The following NUP210 variants were observed in gnomAD, a reference collection of about 807,000 sequenced individuals.
The protein encoded by NUP210 is nuclear pore membrane glycoprotein 210.
NUP210 carries 151 observed loss-of-function variants against 196.0 expected under a neutral mutation model. The observed-to-expected ratio is 0.77, with a 90% CI of 0.67 to 0.88. The LOEUF is 0.88. Among genes scored for constraint, NUP210 ranks in the 40% least tolerant of loss-of-function variants. The probability of loss-of-function intolerance (pLI) is 0.00; values close to 1 mark genes in which losing one functional copy is unlikely to be tolerated. For synonymous variants in NUP210, 1,070 were observed against 1,052.7 expected (o/e 1.02, Z -0.32); for missense variants, 2,314 against 2,493.7 (o/e 0.93, Z 1.53).
Position 13,319,814 on chromosome 3 carries a change from C to T in NUP210, c.5332G>A (p.Ala1778Thr), listed in dbSNP as rs750230647. 1 of 1,614,224 alleles carries T rather than the reference C, an allele frequency of 6.2e-7. No homozygotes were observed. Among genetic ancestry groups the T allele is most frequent in the Non-Finnish European group, 8.5e-7 (1 of 1,180,042 alleles). The change falls in exon 37 of 40, where the codon GCC becomes ACC. Residue 1778 changes from alanine to threonine, a missense_variant. By Grantham distance (58) the Ala-to-Thr change is moderately conservative. Transcript: ENST00000254508. Reference sequence around the variant, plus strand: ...ACAAAAGCCACTGTCACTGGGATGGCAATGGCTTGGTTGGTCACGGGGCTG... The same window carrying T: ...ACAAAAGCCACTGTCACTGGGATGGTAATGGCTTGGTTGGTCACGGGGCTG... ...FSSPVTNQAIAIPVTVAFVVD... is the reference protein window; with the variant it reads ...FSSPVTNQAITIPVTVAFVVD...
intron 1 of NUP210, among the ~76,000 whole-genome samples, chr3:13,403,732 C>A (rs1219883858): frequency 6.6e-6 from 1 of 152,128 alleles, no homozygotes; most frequent in Non-Finnish European, 1.5e-5. Context: ...GAAAGTCCCT[C>A]CTCTCAGCAC....
rs1339742593 is a variant in NUP210 at position 13,335,533 on chromosome 3, A to G, written c.3764T>C (p.Val1255Ala). Reference sequence around the variant, plus strand: ...TGTGGGGTCCACAGCCTTGACCACCACCCTCAGCCCGGTCCGGCCTTTTAC... The same window carrying G: ...TGTGGGGTCCACAGCCTTGACCACCGCCCTCAGCCCGGTCCGGCCTTTTAC... Reference protein sequence around the residue: ...GRVKGRTGLRVVVKAVDPTSG... With the variant: ...GRVKGRTGLRAVVKAVDPTSG... Residue 1255 changes from valine to alanine, a missense_variant, in exon 28 of 40, where the codon GTG (valine) becomes GCG (alanine). Val to Ala is a moderately conservative substitution (Grantham distance 64). Coordinates refer to ENST00000254508, the MANE Select transcript of NUP210 (RefSeq NM_024923.4). 1 of 1,613,618 alleles carries G rather than the reference A, an allele frequency of 6.2e-7. No individual in the cohort carries two copies. The highest frequency in any genetic ancestry group is 1.3e-5 in the African/African-American group (1 of 74,864).
At chr3:13,332,475 G>A in intron 28 of NUP210, 91 bp from the exon 29 acceptor site, 1 of 979,580 alleles carries the variant, frequency 1.0e-6, no homozygotes, top group Non-Finnish European at 1.6e-6. Context: ...AAGAGCCGAG[G>A]AGGGGCCAGA....
chr3:13,419,033 C>T (rs1450610900), intron 1 of NUP210, among the ~76,000 whole-genome samples: 1 of 151,122 alleles, frequency 6.6e-6, no homozygotes, highest in Admixed American at 6.6e-5. Flanking sequence ...GTCTGAGCTT[C>T]GGGCATCACA....
intron 36 of NUP210, among the ~76,000 whole-genome samples, chr3:13,320,242 G>T (rs1018443670): frequency 6.6e-6 from 1 of 152,208 alleles, no homozygotes; most frequent in Non-Finnish European, 1.5e-5. Context: ...GGGAAGCCCT[G>T]TCCATACTCA....
chr3:13,331,944 T>C (rs1270801970), intron 29 of NUP210, among the ~76,000 whole-genome samples: 1 of 152,114 alleles, frequency 6.6e-6, no homozygotes, highest in Admixed American at 6.5e-5. Flanking sequence ...CTCTTCCCGG[T>C]GATGCTGATG....
intron 27 of NUP210, among the ~76,000 whole-genome samples, chr3:13,336,088 G>T (rs943118546): frequency 3.3e-5 from 5 of 152,228 alleles, no homozygotes; most frequent in Admixed American, 6.5e-5. Flanking sequence ...ACTGGGTGGG[G>T]TCGGGGGGCA....
At chr3:13,371,112 T>C (rs578124856) in intron 13 of NUP210, among the ~76,000 whole-genome samples, 5 of 152,362 alleles carry the variant, frequency 3.3e-5, no homozygotes, top group African/African-American at 1.2e-4. Flanking sequence ...TTTGGTCTTC[T>C]TCTTCGGCAA....
At chr3:13,351,819 C>A (rs1697983318) in intron 20 of NUP210, 60 bp downstream of exon 20, 2 of 1,099,416 alleles carry the variant, frequency 1.8e-6, no homozygotes, top group Non-Finnish European at 2.8e-6. Context: ...ATCAATTAAC[C>A]ACACAACAGC....
chr3:13,343,819 C>T (rs189603776), intron 20 of NUP210, among the ~76,000 whole-genome samples: 115 of 152,272 alleles, frequency 7.6e-4, no homozygotes, highest in African/African-American at 2.5e-3. Flanking sequence ...TGCTTTCCCA[C>T]GGCAGCTTGC....
intron 6 of NUP210, among the ~76,000 whole-genome samples, chr3:13,380,251 A>G (rs1699057199): frequency 6.6e-6 from 1 of 152,150 alleles, no homozygotes; most frequent in African/African-American, 2.4e-5. Flanking sequence ...TAGGATGGAG[A>G]AGAGTTTCCC....
chr3:13,406,775 T>G (rs1700015706), intron 1 of NUP210, among the ~76,000 whole-genome samples: 1 of 152,216 alleles, frequency 6.6e-6, no homozygotes, highest in Non-Finnish European at 1.5e-5. Flanking sequence ...CCTTCTTCTC[T>G]GCACCTCAGC....
At chr3:13,360,661 G>A (rs1467758886) in intron 14 of NUP210, among the ~76,000 whole-genome samples, 170 bp from the exon 15 acceptor site, 1 of 152,228 alleles carries the variant, frequency 6.6e-6, no homozygotes, top group Admixed American at 6.5e-5. Context: ...AGGGATCATT[G>A]CAAAGATCCA....
chr3:13,396,975 C>T (rs1253860905), intron 3 of NUP210, among the ~76,000 whole-genome samples: 4 of 152,078 alleles, frequency 2.6e-5, no homozygotes, highest in Non-Finnish European at 4.4e-5. Flanking sequence ...GAGCAGGGAG[C>T]CTCTCCCTGC....
intron 39 of NUP210, 75 bp from the exon 40 acceptor site, chr3:13,317,856 C>T (rs1696335442): frequency 5.8e-6 from 6 of 1,038,092 alleles, no homozygotes; most frequent in East Asian, 5.2e-5. Flanking sequence ...AGCCAGCATT[C>T]AGCAGGCGCC....
chr3:13,334,276 A>T (rs1298255268), intron 28 of NUP210, among the ~76,000 whole-genome samples: 1 of 152,102 alleles, frequency 6.6e-6, no homozygotes, highest in Non-Finnish European at 1.5e-5. Flanking sequence ...AAGCTGCAAA[A>T]CCCTGCCTTT....
chr3:13,319,303 G>A lies in NUP210; in HGVS notation c.5406C>T (p.His1802=), dbSNP rs996016106. ...ACATGACCTGGTAGGAATCCAGGAA[G>A]TGCTGGAAGAGGCTGGCTCCATCTG... The part of the protein sequence containing the change: ...PGPYGASLFQ[H]FLDSYQVMFF... The change falls in exon 38 of 40, where the codon CAC becomes CAT. Residue 1802 remains histidine, a synonymous_variant. Coordinates refer to ENST00000254508, the MANE Select transcript of NUP210 (RefSeq NM_024923.4). 7 of 1,611,932 alleles carry A rather than the reference G, an allele frequency of 4.3e-6. No individual in the cohort carries two copies. In the Admixed American group the frequency reaches 6.7e-5, roughly 15 times the overall value.
intron 14 of NUP210, among the ~76,000 whole-genome samples, chr3:13,363,736 A>G (rs1698442078): frequency 6.6e-6 from 1 of 152,240 alleles, no homozygotes; most frequent in Non-Finnish European, 1.5e-5. Flanking sequence ...AGATGAAAGG[A>G]GAAGAGATCC....
intron 1 of NUP210, among the ~76,000 whole-genome samples, chr3:13,406,092 G>A (rs1699992490): frequency 6.6e-6 from 1 of 152,188 alleles, no homozygotes; most frequent in Non-Finnish European, 1.5e-5. Flanking sequence ...AGTATAGGTA[G>A]TACATAAAAG....
Sources: gnomAD v4.1 joint callset for allele counts (sites outside exome capture counted in the v4.1 genomes callset) on GRCh38, gnomAD v4.1.1 for gene constraint, MANE v1.5 for transcripts, NCBI Gene and HGNC (gene_info 2026-07-23, HGNC 2026-07-21) for gene names.